The following OLFM3 variants were observed in gnomAD, a reference collection of about 807,000 sequenced individuals.
OLFM3 encodes olfactomedin 3.
OLFM3 carries 20 observed loss-of-function variants against 48.6 expected under a neutral mutation model. The ratio of observed to expected loss-of-function variants is 0.41; its 90% CI spans 0.29 to 0.60. The LOEUF is 0.60. Ranked by LOEUF, OLFM3 falls within the 20% of genes least tolerant of loss-of-function variation. The pLI is 0.28. For missense variants in OLFM3, 437 were observed against 544.3 expected (o/e 0.80, Z 1.96); for synonymous variants, 222 against 198.1 (o/e 1.12, Z -1.01).
intron 1 of OLFM3, among the ~76,000 whole-genome samples, chr1:101,883,743 T>C (rs1417249111): frequency 6.6e-6 from 1 of 152,004 alleles, no homozygotes; most frequent in Non-Finnish European, 1.5e-5. Context: ...TCTACTTACA[T>C]ACATATAATT....
At chr1:101,808,332 C>T (rs1653879674) in intron 4 of OLFM3, among the ~76,000 whole-genome samples, 1 of 150,932 alleles carries the variant, frequency 6.6e-6, no homozygotes, top group Admixed American at 6.6e-5. Flanking sequence ...TAACCAATTT[C>T]CAGAAGGCAG....
chr1:101,969,711 T>G (rs1348089510), intron 1 of OLFM3, among the ~76,000 whole-genome samples: 1 of 151,808 alleles, frequency 6.6e-6, no homozygotes, highest in Non-Finnish European at 1.5e-5. Flanking sequence ...GCCTTCTTAC[T>G]GATTTTTTTT....
At chr1:101,936,788 C>G (rs961935420) in intron 1 of OLFM3, among the ~76,000 whole-genome samples, 1 of 151,920 alleles carries the variant, frequency 6.6e-6, no homozygotes, top group Admixed American at 6.6e-5. Context: ...GAATAGAGAC[C>G]CCAGAAATAA....
At chr1:101,955,628 G>T (rs1188557883) in intron 1 of OLFM3, among the ~76,000 whole-genome samples, 1 of 151,800 alleles carries the variant, frequency 6.6e-6, no homozygotes, top group Non-Finnish European at 1.5e-5. Flanking sequence ...TTAGTGTTCA[G>T]TTCCCCTTGC....
intron 1 of OLFM3, among the ~76,000 whole-genome samples, chr1:101,895,289 C>T (rs2101010802): frequency 6.6e-6 from 1 of 152,072 alleles, no homozygotes; most frequent in East Asian, 1.9e-4. Flanking sequence ...GAATCCCAAA[C>T]CTCCACTTAC....
chr1:101,873,154 A>G (rs1245056405), intron 1 of OLFM3, among the ~76,000 whole-genome samples: 1 of 151,988 alleles, frequency 6.6e-6, no homozygotes, highest in Non-Finnish European at 1.5e-5. Flanking sequence ...GAATGGCTTC[A>G]TAGAATGTGA....
rs1214405267 is a variant in OLFM3 at position 101,996,786 on chromosome 1, G to C, written c.31C>G (p.Leu11Val). The C allele has an allele frequency of 6.2e-7, 1 of 1,614,264 alleles. No individual in the cohort carries two copies. Among genetic ancestry groups the C allele is most frequent in the Non-Finnish European group, 8.5e-7 (1 of 1,180,044 alleles). Residue 11 changes from leucine to valine, a missense_variant, in exon 1 of 6, where the codon CTG becomes GTG. This residue lies in a region of OLFM3 where 314 missense variants were observed against 365.5 expected (regional missense o/e 0.86). Transcript: ENST00000370103. Reference sequence around the variant, plus strand: ...AATCCGGCAAACAAAGACAGCAGCAGGAGGTTGAGAAGGTTGGACGTCGCC... The same window carrying C: ...AATCCGGCAAACAAAGACAGCAGCACGAGGTTGAGAAGGTTGGACGTCGCC... MQATSNLLNLLLLSLFAGLDP... is the reference protein window; with the variant it reads MQATSNLLNLVLLSLFAGLDP...
At chr1:101,847,257 G>T (rs753121807) in intron 1 of OLFM3, among the ~76,000 whole-genome samples, 1 of 152,038 alleles carries the variant, frequency 6.6e-6, no homozygotes, top group African/African-American at 2.4e-5. Context: ...GGAGGGAGGC[G>T]GAAACTTGAG....
intron 1 of OLFM3, chr1:101,846,864 A>T (rs773623176): frequency 6.2e-7 from 1 of 1,612,172 alleles, no homozygotes; most frequent in East Asian, 2.2e-5. Flanking sequence ...CGGAGTCGAC[A>T]GCCTCGTGGT....
At chr1:101,819,117 C>A (rs374122711) in intron 4 of OLFM3, among the ~76,000 whole-genome samples, 21 of 152,108 alleles carry the variant, frequency 1.4e-4, no homozygotes, top group African/African-American at 5.1e-4. Flanking sequence ...TGCCAGGGGA[C>A]TCCAACCACA....
intron 1 of OLFM3, among the ~76,000 whole-genome samples, chr1:101,899,002 G>A (rs1658299736): frequency 6.6e-6 from 1 of 152,172 alleles, no homozygotes; most frequent in Non-Finnish European, 1.5e-5. Context: ...AGTATTTATT[G>A]TTGTGTAACA....
chr1:101,857,594 C>T (rs1276383490), intron 1 of OLFM3, among the ~76,000 whole-genome samples: 2 of 151,362 alleles, frequency 1.3e-5, no homozygotes, highest in African/African-American at 4.9e-5. Context: ...GCTCTCCTTT[C>T]CCCCCTCTCC....
intron 4 of OLFM3, among the ~76,000 whole-genome samples, chr1:101,824,451 G>A (rs1295608728): frequency 6.6e-6 from 1 of 152,150 alleles, no homozygotes; most frequent in Admixed American, 6.6e-5. Context: ...CATGTCACAT[G>A]CTTGACTCTT....
intron 1 of OLFM3, among the ~76,000 whole-genome samples, chr1:101,946,976 C>T (rs571079006): frequency 1.3e-5 from 2 of 152,144 alleles, no homozygotes; most frequent in South Asian, 2.1e-4. Context: ...AAATTAAGTG[C>T]TTTCGTTAAT....
chr1:101,913,517 A>G (rs1658825091), intron 1 of OLFM3, among the ~76,000 whole-genome samples: 1 of 152,176 alleles, frequency 6.6e-6, no homozygotes, highest in African/African-American at 2.4e-5. Context: ...TGATTGTGAT[A>G]TAGACTACTA....
At chr1:101,987,277 A>G (rs962325845) in intron 1 of OLFM3, among the ~76,000 whole-genome samples, 1 of 152,180 alleles carries the variant, frequency 6.6e-6, no homozygotes, top group Non-Finnish European at 1.5e-5. Flanking sequence ...TAAGCTTCGC[A>G]TTACTCTTTT....
At chr1:101,847,519 G>A (rs1485688804) in intron 1 of OLFM3, among the ~76,000 whole-genome samples, 1 of 130,570 alleles carries the variant, frequency 7.7e-6, no homozygotes, top group East Asian at 2.0e-4. Context: ...CATATTGAGA[G>A]TAGGAGATAA....
chr1:101,964,701 C>G (rs1449937882), intron 1 of OLFM3, among the ~76,000 whole-genome samples: 1 of 152,180 alleles, frequency 6.6e-6, no homozygotes, highest in African/African-American at 2.4e-5. Flanking sequence ...TTGTTCTTCA[C>G]TCCTTGCAAG....
intron 1 of OLFM3, among the ~76,000 whole-genome samples, chr1:101,926,877 A>G (rs977138845): frequency 6.6e-6 from 1 of 152,166 alleles, no homozygotes; most frequent in Non-Finnish European, 1.5e-5. Context: ...AAGGCTTACT[A>G]TTTTTAATGC....
Sources: allele counts gnomAD v4.1 joint callset (sites outside exome capture counted in the v4.1 genomes callset), GRCh38; gene constraint gnomAD v4.1.1; regional missense constraint gnomAD v4.1.1; transcripts MANE v1.5; gene names NCBI Gene and HGNC (gene_info 2026-07-23, HGNC 2026-07-21).